SCAPER: variants seen among roughly 807,000 people sequenced by gnomAD.
SCAPER encodes S phase cyclin A-associated protein in the endoplasmic reticulum.
In SCAPER, 98 loss-of-function variants were observed where a neutral mutation model predicts 182.2. The ratio of observed to expected loss-of-function variants is 0.54; its 90% CI spans 0.46 to 0.64. The LOEUF (loss-of-function observed/expected upper bound fraction) is 0.64. Ranked by LOEUF, SCAPER falls within the 30% of genes least tolerant of loss-of-function variation. The pLI is 0.00. For synonymous variants in SCAPER, 605 were observed against 564.6 expected, an observed-to-expected ratio of 1.07 and a Z score of -1.01; for missense variants, 1,432 against 1,690.0, an observed-to-expected ratio of 0.85 and a Z score of 2.68.
intron 11 of SCAPER, among the ~76,000 whole-genome samples, chr15:76,766,444 A>G (rs182612514): frequency 2.0e-5 from 3 of 151,912 alleles, no homozygotes; most frequent in Admixed American, 6.6e-5. Flanking sequence ...CTTCATCTTC[A>G]CTTTCTATAA....
At chr15:76,660,047 A>C (rs1312623900) in intron 21 of SCAPER, among the ~76,000 whole-genome samples, 1 of 152,256 alleles carries the variant, frequency 6.6e-6, no homozygotes, top group East Asian at 1.9e-4. Context: ...GTATCATGGA[A>C]TACTATGCAC....
At chr15:76,585,902 G>A (rs755158412) in intron 22 of SCAPER, among the ~76,000 whole-genome samples, 2 of 152,172 alleles carry the variant, frequency 1.3e-5, no homozygotes, top group African/African-American at 4.8e-5. Context: ...CTTAGAGAGT[G>A]TAGTTTTTAA....
chr15:76,829,610 A>G (rs114188498), intron 5 of SCAPER, among the ~76,000 whole-genome samples: 2,202 of 152,146 alleles, frequency 0.014, 55 homozygotes, highest in African/African-American at 0.051. Flanking sequence ...TGAAATCCCA[A>G]TGCATCTGCT....
intron 3 of SCAPER, among the ~76,000 whole-genome samples, chr15:76,859,096 T>A (rs2071655454): frequency 6.6e-6 from 1 of 152,248 alleles, no homozygotes; most frequent in Non-Finnish European, 1.5e-5. Flanking sequence ...ACCAGCAGTG[T>A]GTAAGTGTTC....
chr15:76,690,406 G>A (rs1333515359), intron 20 of SCAPER, among the ~76,000 whole-genome samples: 1 of 151,990 alleles, frequency 6.6e-6, no homozygotes, highest in African/African-American at 2.4e-5. Flanking sequence ...GAGTACCAAG[G>A]GGACATAGTG....
intron 4 of SCAPER, among the ~76,000 whole-genome samples, chr15:76,850,267 C>A (rs2070599567): frequency 6.6e-6 from 1 of 152,172 alleles, no homozygotes; most frequent in South Asian, 2.1e-4. Context: ...ACTTTTTTAG[C>A]ACACTACAGC....
intron 24 of SCAPER, among the ~76,000 whole-genome samples, chr15:76,485,976 G>C (rs1342590506): frequency 6.6e-6 from 1 of 152,174 alleles, no homozygotes; most frequent in African/African-American, 2.4e-5. Context: ...GGGAGGCCGA[G>C]GTGGGCAGAT....
chr15:76,672,973 GA>G (rs1209199902), intron 20 of SCAPER, among the ~76,000 whole-genome samples: 3 of 150,984 alleles, frequency 2.0e-5, no homozygotes, highest in African/African-American at 4.9e-5. Context: ...CATTTAGGGG[GA>G]AAAAAAACAA....
intron 21 of SCAPER, among the ~76,000 whole-genome samples, chr15:76,635,841 T>C (rs2053549591): frequency 6.6e-6 from 1 of 152,244 alleles, no homozygotes; most frequent in Admixed American, 6.5e-5. Flanking sequence ...CTTCATTCTA[T>C]TAATATGGTA....
chr15:76,618,920 C>T (rs1266241190), intron 22 of SCAPER, among the ~76,000 whole-genome samples: 1 of 152,216 alleles, frequency 6.6e-6, no homozygotes, highest in Non-Finnish European at 1.5e-5. Flanking sequence ...TCTCAGCTCA[C>T]TGCAACCTCC....
chr15:76,678,863 A>C (rs765352033), intron 20 of SCAPER, among the ~76,000 whole-genome samples: 6 of 152,190 alleles, frequency 3.9e-5, no homozygotes, highest in Non-Finnish European at 5.9e-5. Context: ...CATTTAATTC[A>C]AAACCTACTA....
At chr15:76,484,405 T>C (rs536017544) in intron 24 of SCAPER, among the ~76,000 whole-genome samples, 4 of 151,732 alleles carry the variant, frequency 2.6e-5, no homozygotes, top group Non-Finnish European at 2.9e-5. Flanking sequence ...AATGAAAAAA[T>C]TCCTGGATAC....
chr15:76,593,597 C>T lies in SCAPER; in HGVS notation c.2712-19313G>A, dbSNP rs1330767390. Among the ~76,000 whole-genome samples, 3 of 120,286 alleles carry T rather than the reference C, an allele frequency of 2.5e-5. 1 individual carries two copies. The highest frequency in any genetic ancestry group is 4.1e-5 in the Non-Finnish European group (2 of 49,338). The allele number at this position is 120,286 out of a possible 152,430, so 78.9% of individuals were successfully genotyped here. ...GCTCTGGCTGGGATCTGGTGGGTGCCCCTCTGAGACAAAGCCTCCAGAGGA... is the reference window on the plus strand; with the variant it reads ...GCTCTGGCTGGGATCTGGTGGGTGCTCCTCTGAGACAAAGCCTCCAGAGGA... On this transcript the variant is annotated intron_variant, in intron 22 of 31. Transcript: ENST00000563290.
Position 76,424,413 on chromosome 15 carries a change from C to T in SCAPER, c.3311+9665G>A, listed in dbSNP as rs192268371. On this transcript the variant is annotated intron_variant, in intron 26 of 31. Transcript: ENST00000563290. The stretch of plus-strand genomic sequence containing the variant: ...CTTTTGATCTTTGTTGGCTTAAAGT[C>T]TGTTTTATCAGAGACTAGGATTGCA... 3.1e-3 allele frequency among the ~76,000 whole-genome samples: 479 copies of T among 152,272 alleles called. 3 individuals carry two copies. Among genetic ancestry groups the T allele is most frequent in the South Asian group, 0.015 (74 of 4,826 alleles).
chr15:76,844,288 A>G (rs79911336), intron 4 of SCAPER, among the ~76,000 whole-genome samples: 10 of 141,930 alleles, frequency 7.0e-5, no homozygotes, highest in African/African-American at 2.5e-4. Context: ...AAAAAAAAAA[A>G]GGCAGGCCAG....
rs551171435 is a variant in SCAPER at position 76,784,140 on chromosome 15, G to T, written c.773-9023C>A. Among the ~76,000 whole-genome samples the T allele has an allele frequency of 2.4e-4, 36 of 152,246 alleles. 1 individual carries two copies. In the South Asian group the frequency reaches 3.9e-3, roughly 17 times the overall value. ...TGATTGTATATTTAAAAAACCCATC[G>T]TCTCTGCCCAAAATCTCCTTAACCT... is the stretch of plus-strand genomic sequence containing the variant. On this transcript the variant is annotated intron_variant, in intron 8 of 31. Coordinates refer to ENST00000563290, the MANE Select transcript of SCAPER (RefSeq NM_020843.4).
At chr15:76,720,888 T>C (rs922669250) in intron 17 of SCAPER, among the ~76,000 whole-genome samples, 3 of 152,222 alleles carry the variant, frequency 2.0e-5, no homozygotes, top group African/African-American at 7.2e-5. Context: ...CTGTTCACTC[T>C]GATGGTGGTT....
intron 7 of SCAPER, among the ~76,000 whole-genome samples, chr15:76,795,937 T>C (rs529207204): frequency 2.0e-5 from 3 of 152,126 alleles, no homozygotes; most frequent in Non-Finnish European, 4.4e-5. Flanking sequence ...GGTGTGCACC[T>C]GTAATCCCAG....
At chr15:76,464,007 CTTTTTTTT>C (rs10630336) in intron 25 of SCAPER, among the ~76,000 whole-genome samples, 4 of 120,376 alleles carry the variant, frequency 3.3e-5, no homozygotes, top group Non-Finnish European at 6.6e-5. Context: ...TTTCACTGGT[CTTTTTTTT>C]TTTTTTTTTT....
Sources: allele counts gnomAD v4.1 joint callset (sites outside exome capture counted in the v4.1 genomes callset), GRCh38; gene constraint gnomAD v4.1.1; transcripts MANE v1.5; gene names NCBI Gene and HGNC (gene_info 2026-07-23, HGNC 2026-07-21).